Variants in STARD13 observed in about 807,000 individuals in gnomAD.
STARD13 encodes the protein StAR related lipid transfer domain containing 13.
A neutral mutation model predicts 106.4 loss-of-function variants in STARD13; 62 were observed. The observed-to-expected ratio is 0.58, with a 90% CI of 0.48 to 0.72. The LOEUF (loss-of-function observed/expected upper bound fraction) is 0.72, where lower values mean the gene tolerates loss of function less well. STARD13 is among the 30% of genes least tolerant of loss of function. The pLI is 0.00. For synonymous variants in STARD13, 565 were observed against 553.0 expected (o/e 1.02, Z -0.31); for missense variants, 1,387 against 1,424.0 (o/e 0.97, Z 0.42).
chr13:33,156,194 A>T (rs568695427), intron 3 of STARD13, among the ~76,000 whole-genome samples: 2 of 152,328 alleles, frequency 1.3e-5, no homozygotes, highest in East Asian at 1.9e-4. Flanking sequence ...AAAACTGCCC[A>T]TCAATTTCCT....
Position 33,112,733 on chromosome 13 carries a change from T to G in STARD13, c.2480A>C (p.Glu827Ala). Residue 827 changes from glutamate (E) to alanine (A), a missense_variant, in exon 9 of 14, where the codon GAA becomes GCA. Transcript: ENST00000336934. The stretch of plus-strand genomic sequence containing the variant: ...AAAAAAAACCCACCGTGGAGAGCTT[T>G]CTTTCTTCAATAAATTAAGATGAAA... ...SLFHLNLLKK[E>A]SSPRVIQKKY... 6.3e-7 allele frequency: 1 copy of G among 1,599,868 alleles called. No homozygotes were observed. Among genetic ancestry groups the G allele is most frequent in the East Asian group, 2.2e-5 (1 of 44,664 alleles).
the STARD13 span, among the ~76,000 whole-genome samples, chr13:33,398,328 G>T: frequency 6.6e-6 from 1 of 152,100 alleles, no homozygotes; most frequent in Admixed American, 6.6e-5. Flanking sequence ...TTCACGAAAT[G>T]AACAAAAGTA....
the STARD13 span, among the ~76,000 whole-genome samples, chr13:33,670,521 T>A: frequency 6.6e-6 from 1 of 152,204 alleles, no homozygotes; most frequent in African/African-American, 2.4e-5. Flanking sequence ...AAATAAATAA[T>A]CTTATATTTG....
At chr13:33,252,383 G>A (rs1890132508) in intron 1 of STARD13, among the ~76,000 whole-genome samples, 1 of 152,208 alleles carries the variant, frequency 6.6e-6, no homozygotes, top group Non-Finnish European at 1.5e-5. Flanking sequence ...TACTGAAATA[G>A]CTGCACAACA....
In STARD13 at chr13:33,118,270, C is replaced by G. The variant is rs1191525710; in HGVS notation, c.2083-7G>C. ...ATTTGCGAAAAAGACCCACCTGAAA[C>G]AAAGCCATAGGGATGTGTCAGCCAG... is the stretch of plus-strand genomic sequence containing the variant. On this transcript the variant is annotated splice_region_variant and splice_polypyrimidine_tract_variant and intron_variant, in intron 7 of 13. Transcript: ENST00000336934. 2 of 1,613,648 alleles carry G rather than the reference C, an allele frequency of 1.2e-6. No homozygotes were observed. Among genetic ancestry groups the G allele is most frequent in the Admixed American group, 3.3e-5 (2 of 60,026 alleles).
chr13:33,529,312 C>G, the STARD13 span, among the ~76,000 whole-genome samples: 16 of 152,194 alleles, frequency 1.1e-4, no homozygotes, highest in African/African-American at 3.9e-4. Flanking sequence ...GAAGAGTCAT[C>G]ATGATGTCCA....
At chr13:33,472,679 C>T in the STARD13 span, among the ~76,000 whole-genome samples, 1 of 152,142 alleles carries the variant, frequency 6.6e-6, no homozygotes, top group African/African-American at 2.4e-5. Context: ...TTGTTCACCA[C>T]TGAACACCAA....
At chr13:33,331,785 T>C (rs941873334) in intron 1 of STARD13, among the ~76,000 whole-genome samples, 36 of 152,280 alleles carry the variant, frequency 2.4e-4, no homozygotes, top group African/African-American at 8.7e-4. Context: ...CACATGATGT[T>C]CACTCAATAA....
At chr13:33,121,846 ATTTT>A (rs200887879) in intron 7 of STARD13, among the ~76,000 whole-genome samples, 46 of 143,386 alleles carry the variant, frequency 3.2e-4, no homozygotes, top group East Asian at 8.3e-4. Flanking sequence ...CGCCCAGCTA[ATTTT>A]TTTTTTTTTT....
chr13:33,498,967 G>A, the STARD13 span, among the ~76,000 whole-genome samples: 13 of 152,092 alleles, frequency 8.5e-5, 1 homozygote, highest in South Asian at 6.2e-4. Context: ...GTGAAACCCC[G>A]TCTCTACTAA....
chr13:33,393,858 T>A, the STARD13 span, among the ~76,000 whole-genome samples: 2 of 152,212 alleles, frequency 1.3e-5, no homozygotes, highest in African/African-American at 4.8e-5. Flanking sequence ...ATTATAATGA[T>A]AACAAATGCT....
At chr13:33,542,194 C>T in the STARD13 span, among the ~76,000 whole-genome samples, 2 of 152,134 alleles carry the variant, frequency 1.3e-5, no homozygotes, top group Admixed American at 6.5e-5. Context: ...TGTGACACCC[C>T]TACCTTCTCA....
In STARD13 at chr13:33,329,725, A is replaced by G. The variant is rs573079870; in HGVS notation, c.124+20565T>C. Among the ~76,000 whole-genome samples the G allele has an allele frequency of 6.1e-3, 832 of 136,526 alleles. 12 individuals carry two copies. Among genetic ancestry groups the G allele is most frequent in the African/African-American group, 0.022 (793 of 35,856 alleles). The allele number at this position is 136,526 out of a possible 152,430, so 89.6% of individuals were successfully genotyped here. On this transcript the variant is annotated intron_variant, in intron 1 of 5. Coordinates refer to the STARD13 transcript ENST00000567873. ...CTTTCTTTTTTTTTTTTTTTTTGAG[A>G]CAGAATCTGGCTTTGTCACGCAGGC...
intron 1 of STARD13, among the ~76,000 whole-genome samples, chr13:33,195,005 C>T (rs908670026): frequency 6.6e-6 from 1 of 152,214 alleles, no homozygotes; most frequent in East Asian, 1.9e-4. Flanking sequence ...CATGCTACTT[C>T]ACTTCTTGTG....
the STARD13 span, among the ~76,000 whole-genome samples, chr13:33,642,115 G>A: frequency 6.6e-6 from 1 of 152,144 alleles, no homozygotes; most frequent in Non-Finnish European, 1.5e-5. Context: ...CAGAGTACTG[G>A]CAAGAGGGTA....
At chr13:33,112,420 A>G (rs1476686994) in intron 9 of STARD13, among the ~76,000 whole-genome samples, 4 of 152,228 alleles carry the variant, frequency 2.6e-5, no homozygotes, top group Non-Finnish European at 5.9e-5. Context: ...GACACATTTT[A>G]TCTATCTATA....
chr13:33,558,464 G>T, the STARD13 span, among the ~76,000 whole-genome samples: 1 of 152,030 alleles, frequency 6.6e-6, no homozygotes, highest in Non-Finnish European at 1.5e-5. Flanking sequence ...TGTTGGTAAG[G>T]TGTTTTTCCC....
chr13:33,252,181 C>A (rs1002160323), intron 1 of STARD13, among the ~76,000 whole-genome samples: 2 of 152,140 alleles, frequency 1.3e-5, no homozygotes, highest in Admixed American at 1.3e-4. Flanking sequence ...TTGTGAGCAG[C>A]TTTTACAGCT....
chr13:33,220,192 A>C lies in STARD13; in HGVS notation c.170-52570T>G, dbSNP rs535098892. Among the ~76,000 whole-genome samples the C allele has an allele frequency of 3.3e-5, 5 of 152,362 alleles. No homozygotes were observed. In the South Asian group the frequency reaches 8.3e-4, roughly 25 times the overall value. ...ATCATACAAATGGAGAACACATGTG[A>C]AAACTAGCTGATATAGCAAACTGAA... On this transcript the variant is annotated intron_variant, in intron 1 of 13. Transcript: ENST00000336934.
Sources: allele counts gnomAD v4.1 joint callset (sites outside exome capture counted in the v4.1 genomes callset), GRCh38; gene constraint gnomAD v4.1.1; transcripts MANE v1.5; gene names NCBI Gene and HGNC (gene_info 2026-07-23, HGNC 2026-07-21).